Variants in HEATR3 observed in about 807,000 individuals in gnomAD.
HEATR3 encodes HEAT repeat containing 3, also known as HEAT repeat-containing protein 3.
A neutral mutation model predicts 72.8 loss-of-function variants in HEATR3; 56 were observed. That is an observed-to-expected ratio of 0.77 (90% CI 0.62 to 0.96). HEATR3 has a LOEUF of 0.96. Ranked by LOEUF, HEATR3 falls within the 40% of genes least tolerant of loss-of-function variation. The probability of loss-of-function intolerance (pLI) is 0.00; values close to 1 mark genes in which losing one functional copy is unlikely to be tolerated. For missense variants in HEATR3, 747 were observed against 831.4 expected (o/e 0.90, Z 1.25); for synonymous variants, 331 against 318.1 (o/e 1.04, Z -0.43).
Position 50,100,286 on chromosome 16 carries a change from T to C in HEATR3, c.1656T>C (p.Asn552=), listed in dbSNP as rs773368329. Residue 552 remains asparagine (N), a synonymous_variant, in exon 13 of 15, where the codon AAT becomes AAC. Transcript: ENST00000299192. The part of the protein sequence containing the change: ...TLCKAGIHSS[N]VGVRVNVVSI... ...GCAAAGCAGGCATTCATAGTAGTAA[T>C]GTCGGGGTTAGAGTGAATGTCGTTA... 1.2e-6 allele frequency: 2 copies of C among 1,614,024 alleles called. No individual in the cohort carries two copies. The highest frequency in any genetic ancestry group is 1.7e-5 in the Admixed American group (1 of 60,018).
intron 12 of HEATR3, among the ~76,000 whole-genome samples, chr16:50,095,843 C>G (rs1383682052): frequency 6.6e-6 from 1 of 152,038 alleles, no homozygotes. Flanking sequence ...TTAGACCCAT[C>G]AATATTTTAT....
chr16:50,104,050 GCAAA>G (rs1402252238), intron 14 of HEATR3, among the ~76,000 whole-genome samples: 7 of 150,856 alleles, frequency 4.6e-5, no homozygotes, highest in African/African-American at 7.3e-5. Flanking sequence ...CAAAAAACAA[GCAAA>G]CAAACAAAAC....
chr16:50,097,453 C>T (rs1318530371), intron 12 of HEATR3, among the ~76,000 whole-genome samples: 2 of 132,922 alleles, frequency 1.5e-5, no homozygotes, highest in Non-Finnish European at 3.2e-5. Context: ...ATTTGTATTT[C>T]ATTCCATTAT....
intron 10 of HEATR3, 84 bp from the exon 11 acceptor site, chr16:50,086,131 G>A (rs964375195): frequency 1.3e-5 from 16 of 1,270,486 alleles, no homozygotes; most frequent in African/African-American, 6.0e-5. Context: ...CAGTCAGAAC[G>A]TGAAGCTTAG....
chr16:50,098,969 T>C (rs1567447381), intron 12 of HEATR3, among the ~76,000 whole-genome samples: 1 of 152,066 alleles, frequency 6.6e-6, no homozygotes, highest in South Asian at 2.1e-4. Context: ...TTTTTCTTAA[T>C]GCTTTTAAAA....
At chr16:50,094,843 T>C (rs1490721395) in intron 12 of HEATR3, 50 bp downstream of exon 12, 6 of 1,085,356 alleles carry the variant, frequency 5.5e-6, no homozygotes, top group Non-Finnish European at 8.2e-6. Flanking sequence ...TTGTGTATTA[T>C]GGAGGCAAAA....
chr16:50,068,346 C>G (rs562356043), intron 2 of HEATR3, among the ~76,000 whole-genome samples: 8 of 152,248 alleles, frequency 5.3e-5, no homozygotes, highest in African/African-American at 1.9e-4. Flanking sequence ...TCCCGCTGTT[C>G]CTAGGCTGGT....
chr16:50,078,716 AT>A (rs766151884), intron 6 of HEATR3, 24 bp from the exon 7 acceptor site: 2 of 1,590,408 alleles, frequency 1.3e-6, no homozygotes, highest in South Asian at 2.3e-5. Flanking sequence ...GGCATTTCTT[AT>A]CCTTATGCTT....
intron 2 of HEATR3, among the ~76,000 whole-genome samples, chr16:50,067,858 C>T (rs776738501): frequency 2.6e-5 from 4 of 152,140 alleles, no homozygotes; most frequent in Non-Finnish European, 2.9e-5. Flanking sequence ...CAATGTCTCT[C>T]CTTAAGAAAT....
At chr16:50,075,147 T>A (rs942146689) in intron 5 of HEATR3, among the ~76,000 whole-genome samples, 1 of 151,942 alleles carries the variant, frequency 6.6e-6, no homozygotes, top group African/African-American at 2.4e-5. Flanking sequence ...TGAAACCCTG[T>A]CTCTACTAAA....
intron 11 of HEATR3, among the ~76,000 whole-genome samples, chr16:50,093,931 A>G (rs564775855): frequency 3.9e-5 from 6 of 152,312 alleles, no homozygotes; most frequent in Admixed American, 3.3e-4. Context: ...ACCCTGATTT[A>G]AGGAAAGGAG....
rs78041570 is a variant in HEATR3, at chr16:50,088,545, C to T, written c.1510+2194C>T. The stretch of plus-strand genomic sequence containing the variant: ...GACAAGCACTGGAGTACAGAGGCAG[C>T]TCGTCAGTGTGAGCAGACCAGATGA... On this transcript the variant is annotated intron_variant, in intron 11 of 14. Coordinates refer to ENST00000299192, the MANE Select transcript of HEATR3 (RefSeq NM_182922.4). Among the ~76,000 whole-genome samples, 929 of 152,298 alleles carry T rather than the reference C, an allele frequency of 6.1e-3. 4 individuals are homozygous for T. Among genetic ancestry groups the T allele is most frequent in the Non-Finnish European group, 9.8e-3 (666 of 68,030 alleles).
intron 7 of HEATR3, among the ~76,000 whole-genome samples, chr16:50,080,612 T>G (rs2036846687): frequency 6.6e-6 from 1 of 152,162 alleles, no homozygotes; most frequent in Non-Finnish European, 1.5e-5. Context: ...GTGCTGGGAT[T>G]ACAGGGGTAA....
At chr16:50,071,606 A>G (rs2036612909) in intron 4 of HEATR3, among the ~76,000 whole-genome samples, 1 of 152,114 alleles carries the variant, frequency 6.6e-6, no homozygotes, top group Non-Finnish European at 1.5e-5. Flanking sequence ...TTGTTTCATC[A>G]TTTATATTTC....
At chr16:50,067,354 CAAAA>C (rs76903396) in intron 2 of HEATR3, among the ~76,000 whole-genome samples, 1 of 136,106 alleles carries the variant, frequency 7.3e-6, no homozygotes, top group East Asian at 2.1e-4. Context: ...GACCCTGTCT[CAAAA>C]AAAAAAAAAG....
chr16:50,106,156 A>G lies in HEATR3; in HGVS notation c.*1095A>G, dbSNP rs1275685364. On this transcript the variant is annotated 3_prime_UTR_variant, in exon 15 of 15. Transcript: ENST00000299192. The stretch of plus-strand genomic sequence containing the variant: ...TGAAATATGAAGACAAGCTTTATAA[A>G]CTAGTTTTTTGATATGAAGTATATC... The G allele has an allele frequency of 6.6e-6, 1 of 152,096 alleles. No individual in the cohort carries two copies. Among genetic ancestry groups the G allele is most frequent in the East Asian group, 1.9e-4 (1 of 5,182 alleles). The allele number at this position is 152,096 out of a possible 1,614,324, so 9.4% of individuals were successfully genotyped here. A position where few individuals can be genotyped will look rare whatever the true frequency, so the allele number is the denominator to read the frequency against.
Position 50,066,492 on chromosome 16 carries a change from G to T in HEATR3, c.264G>T (p.Leu88=), listed in dbSNP as rs2036499728. 2 of 1,338,122 alleles carry T rather than the reference G, an allele frequency of 1.5e-6. No homozygotes were observed. The highest frequency in any genetic ancestry group is 1.5e-5 in the African/African-American group (1 of 64,876). The allele number at this position is 1,338,122 out of a possible 1,614,324, so 82.9% of individuals were successfully genotyped here. Residue 88 remains leucine, a synonymous_variant, in exon 2 of 15, where the codon CTG becomes CTT. Coordinates refer to ENST00000299192, the MANE Select transcript of HEATR3 (RefSeq NM_182922.4). ...RDAVRRLGPL[L]LDPSLAVRET... is the part of the protein sequence containing the mutation. ...CCGTGCGCCGCCTCGGGCCGCTGCT[G>T]CTAGACCCCAGCCTGGCCGTCAGGG...
chr16:50,079,973 G>A (rs1365543105), intron 7 of HEATR3: 1 of 152,472 alleles, frequency 6.6e-6, no homozygotes, highest in Non-Finnish European at 1.5e-5. Flanking sequence ...CTGCCAGAGA[G>A]AGCCGTTTAG....
chr16:50,066,049 G>A lies in HEATR3; in HGVS notation c.-83G>A, dbSNP rs2036478633. Reference sequence around the variant, plus strand: ...GCCGGCCCAGCTGAGCAGCAGCAACGGACCTTGTTAACGGCGCGGCAGCCT... The same window carrying A: ...GCCGGCCCAGCTGAGCAGCAGCAACAGACCTTGTTAACGGCGCGGCAGCCT... On this transcript the variant is annotated 5_prime_UTR_variant, in exon 1 of 15. Coordinates refer to ENST00000299192, the MANE Select transcript of HEATR3 (RefSeq NM_182922.4). 3 of 1,377,072 alleles carry A rather than the reference G, an allele frequency of 2.2e-6. No homozygotes were observed. The South Asian group carries it at 3.7e-5, about 17-fold the overall frequency. The allele number at this position is 1,377,072 out of a possible 1,614,324, so 85.3% of individuals were successfully genotyped here.
Sources: gnomAD v4.1 joint callset for allele counts (sites outside exome capture counted in the v4.1 genomes callset) on GRCh38, gnomAD v4.1.1 for gene constraint, MANE v1.5 for transcripts, NCBI Gene and HGNC (gene_info 2026-07-23, HGNC 2026-07-21) for gene names.